SMARCA2: variants seen among roughly 807,000 people sequenced by gnomAD.
SMARCA2 encodes the protein SWI/SNF-related matrix-associated actin-dependent regulator of chromatin subfamily A member 2.
Under a neutral mutation model 199.8 loss-of-function variants are expected in SMARCA2, and 61 were observed. The ratio of observed to expected loss-of-function variants is 0.31; its 90% CI spans 0.25 to 0.38. SMARCA2 has a LOEUF of 0.38. Ranked by LOEUF, SMARCA2 falls within the 10% of genes least tolerant of loss-of-function variation. The pLI, the probability that SMARCA2 is intolerant of heterozygous loss-of-function variation, is 1.00. For synonymous variants in SMARCA2, 935 were observed against 732.0 expected (o/e 1.28, Z -4.48); for missense variants, 1,344 against 2,012.2 (o/e 0.67, Z 6.35).
rs376665212 is a variant in SMARCA2, at chr9:2,033,091, C to T, written c.355+10C>T. ...GATCAACACAGCCAAGGTTTGTGTC[C>T]GCTGCACACCTGATACTGGTTCCCC... On this transcript the variant is annotated intron_variant, in intron 3 of 33. Coordinates refer to ENST00000349721, the MANE Select transcript of SMARCA2 (RefSeq NM_003070.5). 65 of 1,612,962 alleles carry T rather than the reference C, an allele frequency of 4.0e-5. No homozygotes were observed. Among genetic ancestry groups the T allele is most frequent in the Admixed American group, 1.0e-4 (6 of 59,798 alleles).
intron 31 of SMARCA2, 83 bp downstream of exon 31, chr9:2,182,325 C>A: frequency 1.2e-6 from 1 of 825,692 alleles, no homozygotes; most frequent in South Asian, 1.5e-5. Flanking sequence ...CATTTTCTAC[C>A]TCTTGAATCA....
intron 32 of SMARCA2, among the ~76,000 whole-genome samples, chr9:2,189,185 G>C (rs1273151606): frequency 1.3e-5 from 2 of 152,186 alleles, no homozygotes; most frequent in African/African-American, 4.8e-5. Flanking sequence ...CATCTTGTGA[G>C]GAGATGATAT....
intron 5 of SMARCA2, among the ~76,000 whole-genome samples, chr9:2,049,824 G>C (rs1276974510): frequency 6.6e-6 from 1 of 151,946 alleles, no homozygotes; most frequent in African/African-American, 2.4e-5. Context: ...TTCTTCTTTT[G>C]ACCCTTTGTG....
chr9:2,124,892 TCCAGACACAG>T (rs1330774563), intron 27 of SMARCA2, among the ~76,000 whole-genome samples: 1 of 152,156 alleles, frequency 6.6e-6, no homozygotes, highest in Non-Finnish European at 1.5e-5. Flanking sequence ...GGACGTGCAT[TCCAGACACAG>T]CCAGTAAATG....
intron 27 of SMARCA2, chr9:2,159,708 A>C: frequency 7.0e-7 from 1 of 1,428,134 alleles, no homozygotes; most frequent in Non-Finnish European, 9.5e-7. Flanking sequence ...ATGAAACAGC[A>C]GATTTGAGTA....
intron 9 of SMARCA2, among the ~76,000 whole-genome samples, chr9:2,064,415 T>C (rs779841909): frequency 9.2e-5 from 14 of 152,226 alleles, no homozygotes; most frequent in Non-Finnish European, 1.5e-4. Flanking sequence ...ATCTAAAGCA[T>C]GTAGAATACA....
At chr9:2,155,664 C>T (rs569383579) in intron 27 of SMARCA2, among the ~76,000 whole-genome samples, 5 of 146,742 alleles carry the variant, frequency 3.4e-5, no homozygotes, top group African/African-American at 1.3e-4. Context: ...CGTAGCTCCC[C>T]TTTTCCCTTC....
At chr9:2,186,004 A>C in intron 31 of SMARCA2, 92 bp from the exon 32 acceptor site, 1 of 1,233,814 alleles carries the variant, frequency 8.1e-7, no homozygotes, top group South Asian at 1.5e-5. Flanking sequence ...ACTAAAATTC[A>C]TGTGAATTAA....
In SMARCA2 at chr9:2,163,311, G is replaced by T. The variant is rs73393346; in HGVS notation, c.4199+1408G>T. Among the ~76,000 whole-genome samples, 1,177 of 152,222 alleles carry T rather than the reference G, an allele frequency of 7.7e-3. 13 individuals carry two copies. Among genetic ancestry groups the T allele is most frequent in the African/African-American group, 0.027 (1,101 of 41,538 alleles). On this transcript the variant is annotated intron_variant, in intron 28 of 33. Coordinates refer to ENST00000349721, the MANE Select transcript of SMARCA2 (RefSeq NM_003070.5). ...ATAAATTAAGTTCATCCCCTTTAAG[G>T]CTTCTGAAGTGGCCAGAATGGCAAC...
intron 27 of SMARCA2, among the ~76,000 whole-genome samples, chr9:2,126,844 G>A (rs1823718221): frequency 6.6e-6 from 1 of 152,216 alleles, no homozygotes; most frequent in Non-Finnish European, 1.5e-5. Flanking sequence ...CTTTTTGTCT[G>A]TGTAGCCCCT....
In SMARCA2 at chr9:2,095,122, G is replaced by A. The variant is rs186116256; in HGVS notation, c.2884-1535G>A. ...TTTTTTTGAGACAGAGTCTTGCTCC[G>A]TCACCCAGGCTGGAGTGCAGTGGCG... On this transcript the variant is annotated intron_variant, in intron 19 of 33. Transcript: ENST00000349721. Among the ~76,000 whole-genome samples the A allele has an allele frequency of 4.5e-4, 66 of 148,246 alleles. No homozygotes were observed. In the East Asian group the frequency reaches 0.013, roughly 29 times the overall value.
intron 24 of SMARCA2, among the ~76,000 whole-genome samples, chr9:2,112,144 T>G (rs1205628814): frequency 2.0e-5 from 3 of 152,158 alleles, no homozygotes; most frequent in African/African-American, 7.2e-5. Flanking sequence ...ATTTATTGAG[T>G]GTCTGTTATG....
At chr9:2,032,755 T>A (rs971097023) in intron 2 of SMARCA2, 197 bp from the exon 3 acceptor site, 1 of 440,688 alleles carries the variant, frequency 2.3e-6, no homozygotes, top group Non-Finnish European at 4.0e-6. Flanking sequence ...AAAACAACCC[T>A]CCACTGTTTA....
At chr9:2,160,609 G>A (rs1050754508) in intron 27 of SMARCA2, 2 of 702,444 alleles carry the variant, frequency 2.8e-6, no homozygotes, top group East Asian at 2.7e-5. Flanking sequence ...TGGTGCTGTG[G>A]AGAAATGAAG....
intron 31 of SMARCA2, 121 bp from the exon 32 acceptor site, chr9:2,185,975 A>ATTT (rs1827419536): frequency 1.0e-6 from 1 of 972,996 alleles, no homozygotes; most frequent in Non-Finnish European, 1.6e-6. Flanking sequence ...TGGGCATAAA[A>ATTT]GCTAACGGTG....
At chr9:2,118,310 T>C (rs957476968) in intron 25 of SMARCA2, among the ~76,000 whole-genome samples, 1 of 152,232 alleles carries the variant, frequency 6.6e-6, no homozygotes, top group Non-Finnish European at 1.5e-5. Flanking sequence ...ATAGAAGGTT[T>C]TTCAGAAATA....
chr9:2,166,270 G>A (rs930761864), intron 28 of SMARCA2, among the ~76,000 whole-genome samples: 4 of 152,016 alleles, frequency 2.6e-5, no homozygotes, highest in Non-Finnish European at 5.9e-5. Context: ...AACTCCAATG[G>A]GGTATTCTGA....
chr9:2,189,657 CA>C (rs1827742339), intron 32 of SMARCA2, among the ~76,000 whole-genome samples: 1 of 151,954 alleles, frequency 6.6e-6, no homozygotes, highest in African/African-American at 2.4e-5. Context: ...TAAGTTACTC[CA>C]CCCAAAGCAA....
chr9:2,104,487 C>G lies in SMARCA2; in HGVS notation c.3292+318C>G, dbSNP rs11790537. Among the ~76,000 whole-genome samples the G allele has an allele frequency of 0.1, 15,851 of 152,038 alleles. 931 individuals are homozygous for G. Among genetic ancestry groups the G allele is most frequent in the Middle Eastern group, 0.18 (54 of 294 alleles). ...GCTCTTAAAATTGTTACCTATGTGC[C>G]AAAGATATAGAATACATTGACACAC... On this transcript the variant is annotated intron_variant, in intron 23 of 33. Coordinates refer to ENST00000349721, the MANE Select transcript of SMARCA2 (RefSeq NM_003070.5). The surrounding 1 kb of genome is among the most constrained non-coding windows in gnomAD (Gnocchi z 4.0).
Sources: gnomAD v4.1 joint callset for allele counts (sites outside exome capture counted in the v4.1 genomes callset) on GRCh38, gnomAD v4.1.1 for gene constraint, Gnocchi (gnomAD v3.1) non-coding constraint, MANE v1.5 for transcripts, NCBI Gene and HGNC (gene_info 2026-07-23, HGNC 2026-07-21) for gene names.